The following MYH7B variants were observed in gnomAD, a reference collection of about 807,000 sequenced individuals.
MYH7B encodes the protein myosin-7B.
Under a neutral mutation model 234.5 loss-of-function variants are expected in MYH7B, and 205 were observed. The ratio of observed to expected loss-of-function variants is 0.87; its 90% CI spans 0.78 to 0.98. MYH7B has a LOEUF of 0.98. Among genes scored for constraint, MYH7B ranks in the 50% least tolerant of loss-of-function variants. The pLI, the probability that MYH7B is intolerant of heterozygous loss-of-function variation, is 0.00. For missense variants in MYH7B, 2,652 were observed against 2,633.4 expected (o/e 1.01, Z -0.15); for synonymous variants, 1,193 against 1,105.0 (o/e 1.08, Z -1.58).
exon 32 of MYH7B, chr20:34,997,258 C>T (rs910005330): frequency 2.6e-5 from 40 of 1,558,180 alleles, no homozygotes; most frequent in Admixed American, 3.9e-5. Context: ...CAGGCTCGGG[C>T]GGAGGAGCTG....
chr20:34,994,014 C>A (rs2082205130), intron 26 of MYH7B, 132 bp from the exon 27 acceptor site: 6 of 1,226,836 alleles, frequency 4.9e-6, no homozygotes, highest in Non-Finnish European at 6.9e-6. Context: ...CTCACCCTCA[C>A]CTATAAAGCA....
Position 35,001,229 on chromosome 20 carries a change from G to A in MYH7B, c.5476-16G>A, listed in dbSNP as rs1299599285. 1 of 1,607,784 alleles carries A rather than the reference G, an allele frequency of 6.2e-7. No homozygotes were observed. The highest frequency in any genetic ancestry group is 1.1e-5 in the South Asian group (1 of 90,350). On this transcript the variant is annotated splice_polypyrimidine_tract_variant and intron_variant, in intron 41 of 44. Transcript: ENST00000262873. ...CCAGGGGTGGGCTTGGCATCAGGCTGTCCCCCTGCCTGCAGGTACGGGAGC... is the reference window on the plus strand; with the variant it reads ...CCAGGGGTGGGCTTGGCATCAGGCTATCCCCCTGCCTGCAGGTACGGGAGC...
At chr20:34,989,785 A>C in exon 20 of MYH7B, 7 of 1,614,180 alleles carry the variant, frequency 4.3e-6, no homozygotes, top group Non-Finnish European at 5.9e-6. Context: ...CATGTTCCCC[A>C]AGGCCTCAGA....
At chr20:34,980,529 C>T (rs747038792) in intron 7 of MYH7B, 49 bp from the exon 8 acceptor site, 1 of 1,506,580 alleles carries the variant, frequency 6.6e-7, no homozygotes, top group South Asian at 1.1e-5. Context: ...CAGAGCAAGA[C>T]TCCATCTCAA....
chr20:35,001,212 G>A, intron 41 of MYH7B, 33 bp from the exon 42 acceptor site: 3 of 1,606,076 alleles, frequency 1.9e-6, no homozygotes, highest in South Asian at 1.1e-5. Context: ...ACCCAGGGGT[G>A]GGCTTGGCAT....
intron 13 of MYH7B, among the ~76,000 whole-genome samples, chr20:34,985,862 CACACACGCAAGG>C (rs1375615651): frequency 6.6e-6 from 1 of 152,172 alleles, no homozygotes; most frequent in Non-Finnish European, 1.5e-5. Flanking sequence ...ACTCACCCCA[CACACACGCAAGG>C]ACACACACTG....
At chr20:34,985,094 C>T (rs1307668352) in exon 13 of MYH7B, 2 of 1,614,006 alleles carry the variant, frequency 1.2e-6, no homozygotes, top group Admixed American at 1.7e-5. Context: ...CACTTTGGTC[C>T]CTCTGGGAAG....
chr20:34,985,998 C>T (rs753081828), intron 13 of MYH7B, 102 bp from the exon 14 acceptor site: 47 of 989,710 alleles, frequency 4.7e-5, no homozygotes, highest in Non-Finnish European at 7.2e-5. Context: ...ATGCAGCCCC[C>T]CTGCACACTC....
chr20:34,999,226 G>C, exon 36 of MYH7B: 3 of 1,610,884 alleles, frequency 1.9e-6, no homozygotes, highest in Non-Finnish European at 2.5e-6. Context: ...AAGAAGCAGC[G>C]GCACTTGGAA....
At chr20:34,967,108 A>G (rs1397409932) in intron 2 of MYH7B, among the ~76,000 whole-genome samples, 3 of 151,868 alleles carry the variant, frequency 2.0e-5, no homozygotes, top group African/African-American at 7.3e-5. Context: ...GCGCACCTGT[A>G]GTCCCAGCTA....
chr20:34,982,470 G>C, exon 10 of MYH7B: 1 of 1,614,002 alleles, frequency 6.2e-7, no homozygotes, highest in Non-Finnish European at 8.5e-7. Flanking sequence ...GGAGAGTCGG[G>C]GGCCGGTAAG....
intron 8 of MYH7B, 33 bp downstream of exon 8, chr20:34,980,767 G>T (rs1248312638): frequency 6.2e-7 from 1 of 1,604,036 alleles, no homozygotes; most frequent in African/African-American, 1.3e-5. Context: ...CCCAACCGCA[G>T]ACCCCGACCT....
chr20:34,983,281 T>A (rs2081965985), intron 10 of MYH7B, among the ~76,000 whole-genome samples: 1 of 120,606 alleles, frequency 8.3e-6, no homozygotes, highest in South Asian at 2.6e-4. Context: ...TCTTTTTTCT[T>A]TCTTTTCTTT....
At chr20:34,995,543 A>C in exon 28 of MYH7B, 1 of 1,614,144 alleles carries the variant, frequency 6.2e-7, no homozygotes, top group Non-Finnish European at 8.5e-7. Context: ...GACACTGGCC[A>C]AAGCTGAGAA....
At chr20:34,991,074 C>T (rs1268618082) in exon 24 of MYH7B, 2 of 1,613,400 alleles carry the variant, frequency 1.2e-6, no homozygotes, top group East Asian at 2.2e-5. Context: ...TCCGGATCTG[C>T]CGCCAAGGGT....
chr20:34,981,186 T>C lies in MYH7B; in HGVS notation c.527+126T>C. ...GGCCAGGACTTTTACCACCTGGAGCTAGTGTCCCAGCTGAAGCTAAATTAG... is the reference window on the plus strand; with the variant it reads ...GGCCAGGACTTTTACCACCTGGAGCCAGTGTCCCAGCTGAAGCTAAATTAG... On this transcript the variant is annotated intron_variant, in intron 9 of 44. Coordinates refer to ENST00000262873, the Ensembl canonical transcript of MYH7B. The C allele has an allele frequency of 2.5e-6, 3 of 1,216,276 alleles. No individual in the cohort carries two copies. The South Asian group carries it at 3.9e-5, about 16-fold the overall frequency. 75.3% of individuals were successfully genotyped at this position (1,216,276 alleles called of 1,614,324 possible). A position where few individuals can be genotyped will look rare whatever the true frequency, so the allele number is the denominator to read the frequency against.
intron 9 of MYH7B, 32 bp from the exon 10 acceptor site, chr20:34,982,427 G>T (rs1363465972): frequency 1.3e-6 from 2 of 1,597,874 alleles, no homozygotes; most frequent in South Asian, 2.2e-5. Context: ...AGGCCAGATG[G>T]GCATTGGTGA....
At chr20:34,996,268 G>C in intron 28 of MYH7B, 78 bp from the exon 29 acceptor site, 1 of 1,489,106 alleles carries the variant, frequency 6.7e-7, no homozygotes, top group East Asian at 2.5e-5. Context: ...AGGGGCACTT[G>C]CTCTGACCTG....
At position 34,999,771 on chromosome 20, in the gene MYH7B, T is replaced by G. The variant is rs780151049; in HGVS notation, c.4666-20T>G. ...GCCATCCCCCCCCCCCACCCTACCC[T>G]GCCTGCTCTGTATCCACAGGGGGCC... On this transcript the variant is annotated intron_variant, in intron 37 of 44. Coordinates refer to ENST00000262873, the Ensembl canonical transcript of MYH7B. The G allele has an allele frequency of 2.9e-6, 2 of 699,766 alleles. No homozygotes were observed. Among genetic ancestry groups the G allele is most frequent in the Non-Finnish European group, 4.4e-6 (2 of 454,034 alleles). 43.3% of individuals were successfully genotyped at this position (699,766 alleles called of 1,614,324 possible).
Sources: gnomAD v4.1 joint callset for allele counts (sites outside exome capture counted in the v4.1 genomes callset) on GRCh38, gnomAD v4.1.1 for gene constraint, MANE v1.5 for transcripts, NCBI Gene and HGNC (gene_info 2026-07-23, HGNC 2026-07-21) for gene names.